POU5F1B: variants seen among roughly 807,000 people sequenced by gnomAD.
POU5F1B encodes POU class 5 homeobox 1B, also known as POU domain, class 5, transcription factor 1B.
POU5F1B carries 24 observed loss-of-function variants against 28.1 expected under a neutral mutation model. That is an observed-to-expected ratio of 0.85 (90% CI 0.62 to 1.20). The LOEUF (loss-of-function observed/expected upper bound fraction) is 1.20, where lower values mean the gene tolerates loss of function less well. Ranked by LOEUF, POU5F1B falls within the 50% of genes most tolerant of loss-of-function variation. POU5F1B has a pLI of 0.00. For synonymous variants in POU5F1B, 220 were observed against 193.2 expected (o/e 1.14, Z -1.15); for missense variants, 451 against 451.5 (o/e 1.00, Z 0.01).
chr8:127,416,975 A>G (rs774564179), exon 3 of POU5F1B: 8 of 1,586,082 alleles, frequency 5.0e-6, no homozygotes, highest in African/African-American at 2.7e-5. Flanking sequence ...AATGGGGAAC[A>G]GGGGAGGGGA....
intron 1 of POU5F1B, chr8:127,414,814 A>G (rs1260308606): frequency 6.6e-6 from 1 of 152,252 alleles, no homozygotes; most frequent in Admixed American, 6.5e-5. Flanking sequence ...AATATGGCAC[A>G]AGTAAAAGTG....
chr8:127,413,683 C>G (rs1241963772), intron 1 of POU5F1B, among the ~76,000 whole-genome samples: 3 of 152,234 alleles, frequency 2.0e-5, no homozygotes, highest in Non-Finnish European at 4.4e-5. Flanking sequence ...AAACGATTTT[C>G]ATGGTTCAAA....
At chr8:127,414,821 AGT>A (rs945071824) in intron 1 of POU5F1B, 8 of 152,240 alleles carry the variant, frequency 5.3e-5, no homozygotes, top group Admixed American at 2.0e-4. Context: ...CACAAGTAAA[AGT>A]GTGCGATTTC....
exon 3 of POU5F1B, chr8:127,416,497 G>A: frequency 6.2e-7 from 1 of 1,609,428 alleles, no homozygotes. Flanking sequence ...GGTGGAGGAA[G>A]CTGACAACAA....
At chr8:127,416,592 A>G (rs1202140426) in exon 3 of POU5F1B, 3 of 1,602,724 alleles carry the variant, frequency 1.9e-6, no homozygotes, top group Non-Finnish European at 1.7e-6. Flanking sequence ...ACCGAGTGAG[A>G]GGCAACCTGG....
chr8:127,417,080 G>A (rs1165605903), exon 3 of POU5F1B: 10 of 1,293,502 alleles, frequency 7.7e-6, no homozygotes, highest in Non-Finnish European at 1.1e-5. Context: ...TAAGGGTGGG[G>A]GCAGGGGAGT....
exon 3 of POU5F1B, chr8:127,416,016 G>T (rs1174754924): frequency 1.9e-6 from 3 of 1,600,522 alleles, no homozygotes; most frequent in Middle Eastern, 1.8e-4. Context: ...TCGGGCCGGG[G>T]GTTGGGCCAG....
exon 3 of POU5F1B, chr8:127,417,079 G>C (rs1296291609): frequency 1.4e-5 from 18 of 1,290,672 alleles, no homozygotes; most frequent in Non-Finnish European, 1.8e-5. Flanking sequence ...CTAAGGGTGG[G>C]GGCAGGGGAG....
chr8:127,416,784 G>A (rs1462943947), exon 3 of POU5F1B: 1 of 1,606,398 alleles, frequency 6.2e-7, no homozygotes, highest in Non-Finnish European at 8.5e-7. Context: ...CTTTCTCAGG[G>A]GGACCAGTGT....
chr8:127,415,572 G>T (rs966542244), exon 3 of POU5F1B: 2 of 385,802 alleles, frequency 5.2e-6, no homozygotes, highest in Non-Finnish European at 8.9e-6. Flanking sequence ...GCCTACACTG[G>T]AATTTCAGAT....
At chr8:127,416,687 G>A (rs759719679) in exon 3 of POU5F1B, 1 of 1,608,230 alleles carries the variant, frequency 6.2e-7, no homozygotes, top group East Asian at 2.2e-5. Context: ...GATGTGGTCC[G>A]AGTGTGGTTC....
At chr8:127,415,345 G>A (rs989331899) in intron 2 of POU5F1B, 1 of 153,640 alleles carries the variant, frequency 6.5e-6, no homozygotes, top group Non-Finnish European at 1.4e-5. Flanking sequence ...CAGCACACTT[G>A]TCACCAACTA....
chr8:127,413,543 C>T (rs889403741), intron 1 of POU5F1B, among the ~76,000 whole-genome samples: 6 of 152,138 alleles, frequency 3.9e-5, no homozygotes, highest in Admixed American at 2.6e-4. Flanking sequence ...ACTTAGTTAG[C>T]GGATTCACAA....
chr8:127,417,223 A>AAGAAC, exon 3 of POU5F1B: 1 of 340,854 alleles, frequency 2.9e-6, no homozygotes. Flanking sequence ...AAGAAAAGAA[A>AAGAAC]AGTAACATAA....
exon 3 of POU5F1B, chr8:127,415,958 A>G: frequency 6.4e-7 from 1 of 1,573,786 alleles, no homozygotes; most frequent in Non-Finnish European, 8.6e-7. Flanking sequence ...GGCTGGGTTG[A>G]TCCTCTGACC....
chr8:127,416,829 C>G (rs1317710053), exon 3 of POU5F1B: 3 of 1,604,076 alleles, frequency 1.9e-6, no homozygotes, highest in Non-Finnish European at 2.6e-6. Context: ...ATTTTGGTAC[C>G]CCAGGCTATG....
chr8:127,415,730 T>G, exon 3 of POU5F1B: 1 of 1,364,694 alleles, frequency 7.3e-7, no homozygotes. Context: ...CAGTCAACAT[T>G]TAATGATGCT....
chr8:127,415,844 G>A (rs751686418), exon 3 of POU5F1B: 41 of 1,501,084 alleles, frequency 2.7e-5, no homozygotes, highest in Admixed American at 4.8e-5. Context: ...CCAGGCCCCC[G>A]GCTTGGGGCG....
At chr8:127,415,902 G>A (rs772828845) in exon 3 of POU5F1B, 4 of 1,539,990 alleles carry the variant, frequency 2.6e-6, no homozygotes, top group African/African-American at 1.4e-5. Flanking sequence ...TCGCCTTCTC[G>A]CCCCCTCCAG....
Sources: gnomAD v4.1 joint callset for allele counts (sites outside exome capture counted in the v4.1 genomes callset) on GRCh38, gnomAD v4.1.1 for gene constraint, MANE v1.5 for transcripts, NCBI Gene and HGNC (gene_info 2026-07-23, HGNC 2026-07-21) for gene names.